RAB38: variants seen among roughly 807,000 people sequenced by gnomAD.
RAB38 encodes RAB38, member RAS oncogene family.
RAB38 carries 15 observed loss-of-function variants against 18.4 expected under a neutral mutation model. The ratio of observed to expected loss-of-function variants is 0.82; its 90% CI spans 0.55 to 1.26. The LOEUF (loss-of-function observed/expected upper bound fraction) is 1.26, where lower values mean the gene tolerates loss of function less well. Ranked by LOEUF, RAB38 falls within the 50% of genes most tolerant of loss-of-function variation. The pLI is 0.00. For missense variants in RAB38, 294 were observed against 267.4 expected (o/e 1.10, Z -0.69); for synonymous variants, 101 against 104.4 (o/e 0.97, Z 0.20).
chr11:87,882,214 A>T, the RAB38 span, among the ~76,000 whole-genome samples: 1 of 151,858 alleles, frequency 6.6e-6, no homozygotes, highest in Non-Finnish European at 1.5e-5. Flanking sequence ...CATCATTAGC[A>T]AAATAAGTTC....
the RAB38 span, among the ~76,000 whole-genome samples, chr11:87,813,178 G>C: frequency 6.6e-6 from 1 of 152,120 alleles, no homozygotes; most frequent in Non-Finnish European, 1.5e-5. Flanking sequence ...CCTTCAGTCT[G>C]ATAAGAACCA....
At chr11:88,117,286 C>CT (rs1942567112) in intron 2 of RAB38, among the ~76,000 whole-genome samples, 1 of 152,154 alleles carries the variant, frequency 6.6e-6, no homozygotes, top group Non-Finnish European at 1.5e-5. Flanking sequence ...AGCTTACCTA[C>CT]TAGCAGGGTT....
At chr11:87,840,031 T>C in the RAB38 span, among the ~76,000 whole-genome samples, 1 of 152,288 alleles carries the variant, frequency 6.6e-6, no homozygotes, top group East Asian at 1.9e-4. Context: ...GTAATGTCAT[T>C]AGTGAAACTG....
rs759657652 is a variant in RAB38, at chr11:88,175,370, G to C, written c.15C>G (p.His5Gln). 1 of 1,614,034 alleles carries C rather than the reference G, an allele frequency of 6.2e-7. No homozygotes were observed. Among genetic ancestry groups the C allele is most frequent in the Non-Finnish European group, 8.5e-7 (1 of 1,180,034 alleles). ...CCAGCAACTTGTACAGGTGCTCCTT[G>C]TGCGGGGCCTGCATCCTGGCGGCCG... is the stretch of plus-strand genomic sequence containing the variant. MQAPHKEHLYKLLVI... is the reference protein window; with the variant it reads MQAPQKEHLYKLLVI... The change falls in exon 1 of 3, where the codon CAC becomes CAG. Residue 5 changes from histidine to glutamine, a missense_variant. Physicochemically the swap from His to Gln is conservative, Grantham distance 24. Transcript: ENST00000243662.
intron 2 of RAB38, 64 bp from the exon 3 acceptor site, chr11:88,114,204 A>T: frequency 6.5e-7 from 1 of 1,530,548 alleles, no homozygotes; most frequent in Non-Finnish European, 9.0e-7. Context: ...TAGAGCAGAG[A>T]CTTATATGTG....
chr11:87,849,867 AT>A, the RAB38 span, among the ~76,000 whole-genome samples: 1 of 151,990 alleles, frequency 6.6e-6, no homozygotes, highest in Non-Finnish European at 1.5e-5. Flanking sequence ...ATATATAGGT[AT>A]TTTCTTTGAC....
chr11:87,821,428 AATG>A, the RAB38 span, among the ~76,000 whole-genome samples: 1 of 152,222 alleles, frequency 6.6e-6, no homozygotes, highest in Non-Finnish European at 1.5e-5. Flanking sequence ...GTTTACCAGC[AATG>A]ACTCTCTATA....
At chr11:87,932,268 G>T in the RAB38 span, among the ~76,000 whole-genome samples, 1 of 152,016 alleles carries the variant, frequency 6.6e-6, no homozygotes, top group Admixed American at 6.6e-5. Context: ...TTCTGCACAT[G>T]TATCCCAGAA....
At chr11:88,087,221 C>A in the RAB38 span, among the ~76,000 whole-genome samples, 1 of 151,914 alleles carries the variant, frequency 6.6e-6, no homozygotes. Context: ...ACCTCACCTG[C>A]TACTTAGTCC....
At chr11:87,878,660 C>T in the RAB38 span, among the ~76,000 whole-genome samples, 1 of 151,634 alleles carries the variant, frequency 6.6e-6, no homozygotes, top group African/African-American at 2.4e-5. Flanking sequence ...CATTTCCCCT[C>T]CCTAGTTTCA....
chr11:88,029,937 C>T, the RAB38 span, among the ~76,000 whole-genome samples: 3,274 of 152,176 alleles, frequency 0.022, 101 homozygotes, highest in African/African-American at 0.074. Flanking sequence ...TTTTTTTCAG[C>T]ACCACACCAC....
chr11:88,024,918 AGT>A, the RAB38 span, among the ~76,000 whole-genome samples: 10 of 51,826 alleles, frequency 1.9e-4, no homozygotes, highest in South Asian at 2.0e-3. Context: ...CAAAAAAAAT[AGT>A]TAGAAAGAAT....
chr11:88,039,203 A>G, the RAB38 span, among the ~76,000 whole-genome samples: 1 of 152,210 alleles, frequency 6.6e-6, no homozygotes, highest in Admixed American at 6.6e-5. Flanking sequence ...GGAAATTGCC[A>G]TTATTTTTAT....
chr11:88,052,223 G>A, the RAB38 span, among the ~76,000 whole-genome samples: 10 of 152,024 alleles, frequency 6.6e-5, no homozygotes, highest in East Asian at 1.9e-3. Flanking sequence ...AAAACTTTTA[G>A]ATAGATCAGT....
the RAB38 span, among the ~76,000 whole-genome samples, chr11:88,074,908 T>C: frequency 4.6e-3 from 705 of 152,242 alleles, 3 homozygotes; most frequent in African/African-American, 0.016. Context: ...ATAGCTAGAC[T>C]TATATCAAAT....
At chr11:87,905,387 A>G in the RAB38 span, among the ~76,000 whole-genome samples, 1 of 151,492 alleles carries the variant, frequency 6.6e-6, no homozygotes, top group East Asian at 2.0e-4. Flanking sequence ...CTTATAGGGC[A>G]TATATTCCTG....
the RAB38 span, among the ~76,000 whole-genome samples, chr11:87,856,064 AT>A: frequency 1.3e-5 from 2 of 152,192 alleles, no homozygotes; most frequent in Non-Finnish European, 2.9e-5. Flanking sequence ...ACTTAAAACA[AT>A]TAAAGGTACA....
At chr11:88,165,551 T>TA (rs1224813079) in intron 1 of RAB38, 1 of 152,158 alleles carries the variant, frequency 6.6e-6, no homozygotes, top group East Asian at 1.9e-4. Flanking sequence ...TTACTCTTCT[T>TA]AAAAGAGCAG....
the RAB38 span, among the ~76,000 whole-genome samples, chr11:87,876,083 G>A: frequency 2.0e-5 from 3 of 151,498 alleles, no homozygotes; most frequent in Admixed American, 6.6e-5. Context: ...CAAACTCTAC[G>A]TTTAATTATT....
Sources: allele counts gnomAD v4.1 joint callset (sites outside exome capture counted in the v4.1 genomes callset), GRCh38; gene constraint gnomAD v4.1.1; transcripts MANE v1.5; gene names NCBI Gene and HGNC (gene_info 2026-07-23, HGNC 2026-07-21).